Variants in POLA2 observed in about 807,000 individuals in gnomAD.
The protein encoded by POLA2 is DNA polymerase alpha subunit B.
A neutral mutation model predicts 82.8 loss-of-function variants in POLA2; 47 were observed. The ratio of observed to expected loss-of-function variants is 0.57; its 90% CI spans 0.45 to 0.72. The LOEUF (loss-of-function observed/expected upper bound fraction) is 0.72. Ranked by LOEUF, POLA2 falls within the 30% of genes least tolerant of loss-of-function variation. The probability of loss-of-function intolerance (pLI) is 0.00; values close to 1 mark genes in which losing one functional copy is unlikely to be tolerated. For synonymous variants in POLA2, 287 were observed against 286.8 expected, an observed-to-expected ratio of 1.00 and a Z score of -0.01; for missense variants, 634 against 728.1, an observed-to-expected ratio of 0.87 and a Z score of 1.49.
chr11:65,293,850 GC>G (rs1473880329), intron 13 of POLA2, among the ~76,000 whole-genome samples: 3 of 151,912 alleles, frequency 2.0e-5, no homozygotes, highest in Non-Finnish European at 4.4e-5. Context: ...CCATTTCTTT[GC>G]CCCTTTTTCT....
chr11:65,301,960 G>T (rs1227834720), downstream of POLA2, among the ~76,000 whole-genome samples: 1 of 152,126 alleles, frequency 6.6e-6, no homozygotes, highest in African/African-American at 2.4e-5. Flanking sequence ...CTGGACTGCC[G>T]CTGGCTCTGA....
chr11:65,287,592 CAG>C, intron 10 of POLA2, 122 bp from the exon 11 acceptor site: 1 of 822,994 alleles, frequency 1.2e-6, no homozygotes. Context: ...CTTGGGTCCC[CAG>C]AGTTTCACAC....
At chr11:65,278,421 C>A (rs1949603506) in intron 5 of POLA2, among the ~76,000 whole-genome samples, 1 of 152,142 alleles carries the variant, frequency 6.6e-6, no homozygotes, top group Non-Finnish European at 1.5e-5. Context: ...TTAATCAATT[C>A]AGAATCTGGG....
chr11:65,262,304 C>A lies in POLA2; in HGVS notation c.12C>A (p.Ser4=). 1 of 1,613,294 alleles carries A rather than the reference C, an allele frequency of 6.2e-7. No individual in the cohort carries two copies. The highest frequency in any genetic ancestry group is 8.5e-7 in the Non-Finnish European group (1 of 1,179,670). MSA[S]AQQLAEELQI... Reference sequence around the variant, plus strand: ...TGGCTTGGGCGACCATGTCCGCATCCGCCCAGCAGCTGGCGGAGGAGCTGC... The same window carrying A: ...TGGCTTGGGCGACCATGTCCGCATCAGCCCAGCAGCTGGCGGAGGAGCTGC... The change falls in exon 1 of 18, where the codon TCC becomes TCA. Residue 4 remains serine, a synonymous_variant. Transcript: ENST00000265465.
At chr11:65,285,574 CAAAAAAA>C (rs573912827) in intron 10 of POLA2, among the ~76,000 whole-genome samples, 4 of 63,014 alleles carry the variant, frequency 6.3e-5, no homozygotes, top group African/African-American at 1.2e-4. Context: ...GATCCTATCT[CAAAAAAA>C]AAAAAAAAAG....
intron 3 of POLA2, 66 bp downstream of exon 3, chr11:65,267,634 C>A (rs185440168): frequency 1.9e-6 from 2 of 1,069,810 alleles, no homozygotes; most frequent in Admixed American, 2.2e-5. Context: ...TGTCTGTAGT[C>A]GCATGTGTAA....
At chr11:65,289,473 G>C (rs1328342417) in intron 12 of POLA2, among the ~76,000 whole-genome samples, 1 of 152,158 alleles carries the variant, frequency 6.6e-6, no homozygotes, top group African/African-American at 2.4e-5. Context: ...AAACACGAAT[G>C]GTCCTTCCTG....
intron 8 of POLA2, among the ~76,000 whole-genome samples, chr11:65,305,029 C>T (rs1447859523): frequency 6.8e-6 from 1 of 147,774 alleles, no homozygotes; most frequent in Non-Finnish European, 1.5e-5. Context: ...CTGGGCCTGA[C>T]TCCCCCTTCT....
intron 17 of POLA2, 73 bp from the exon 18 acceptor site, chr11:65,297,047 G>T: frequency 6.6e-7 from 1 of 1,521,188 alleles, no homozygotes; most frequent in South Asian, 1.1e-5. Context: ...GCCATGTGAT[G>T]GCACTTCTTT....
In POLA2 at chr11:65,280,081, A is replaced by C. The variant is rs144811985; in HGVS notation, c.744+455A>C. 815 of 155,608 alleles carry C rather than the reference A, an allele frequency of 5.2e-3. 9 individuals carry two copies. The highest frequency in any genetic ancestry group is 0.018 in the African/African-American group (731 of 41,652). 9.6% of individuals were successfully genotyped at this position (155,608 alleles called of 1,614,324 possible). A position where few individuals can be genotyped will look rare whatever the true frequency, so the allele number is the denominator to read the frequency against. On this transcript the variant is annotated intron_variant, in intron 7 of 17. Transcript: ENST00000265465. ...TCTTTATATCATAGTTTAATCTGGCATATATACCAGTGCTTTCTCTCTAGA... is the reference window on the plus strand; with the variant it reads ...TCTTTATATCATAGTTTAATCTGGCCTATATACCAGTGCTTTCTCTCTAGA...
At chr11:65,275,383 A>G (rs1949566254) in intron 4 of POLA2, among the ~76,000 whole-genome samples, 1 of 151,984 alleles carries the variant, frequency 6.6e-6, no homozygotes, top group African/African-American at 2.4e-5. Flanking sequence ...AAAAAAAAAA[A>G]AAAGGAGTGA....
chr11:65,300,029 G>A (rs1949851193), downstream of POLA2, among the ~76,000 whole-genome samples: 1 of 152,048 alleles, frequency 6.6e-6, no homozygotes, highest in Non-Finnish European at 1.5e-5. Context: ...TATGTTCATG[G>A]TGTTGTGCAG....
chr11:65,303,267 G>A (rs1477486119), downstream of POLA2, among the ~76,000 whole-genome samples: 2 of 151,588 alleles, frequency 1.3e-5, no homozygotes, highest in African/African-American at 4.9e-5. Flanking sequence ...GCGTGAACCC[G>A]GGAGGTGGAG....
At chr11:65,262,778 C>A (rs79061486) in intron 1 of POLA2, among the ~76,000 whole-genome samples, 2 of 152,288 alleles carry the variant, frequency 1.3e-5, no homozygotes, top group African/African-American at 4.8e-5. Context: ...CCAGCCTACA[C>A]CTTAAACCTC....
At chr11:65,287,911 A>T in intron 11 of POLA2, 71 bp downstream of exon 11, 1 of 1,470,868 alleles carries the variant, frequency 6.8e-7, no homozygotes, top group Non-Finnish European at 9.3e-7. Context: ...CTAAATTTTT[A>T]GGAAGCATGT....
Position 65,266,776 on chromosome 11 carries a change from T to C in POLA2, c.204+70T>C. ...CTGCTCTACAGGGGAGGCATTGTGA[T>C]ATATTGAGAGGAGTGTGGGCTTTCG... On this transcript the variant is annotated intron_variant, in intron 2 of 17. Coordinates refer to ENST00000265465, the MANE Select transcript of POLA2 (RefSeq NM_002689.4). The C allele has an allele frequency of 2.6e-6, 4 of 1,546,018 alleles. No individual in the cohort carries two copies. The South Asian group carries it at 3.4e-5, about 13-fold the overall frequency.
At chr11:65,281,289 C>A in intron 8 of POLA2, 142 bp downstream of exon 8, 1 of 888,390 alleles carries the variant, frequency 1.1e-6, no homozygotes, top group Non-Finnish European at 1.7e-6. Flanking sequence ...GAGCAGACAC[C>A]ACTGTTGGGA....
At position 65,281,681 on chromosome 11, in the gene POLA2, G is replaced by A; in HGVS notation, c.912G>A (p.Met304Ile). 6.2e-7 allele frequency: 1 copy of A among 1,613,356 alleles called. No homozygotes were observed. Among genetic ancestry groups the A allele is most frequent in the Non-Finnish European group, 8.5e-7 (1 of 1,179,318 alleles). Residue 304 changes from methionine (M) to isoleucine (I), a missense_variant, in exon 9 of 18, where the codon ATG becomes ATA. By Grantham distance (10) the Met-to-Ile change is conservative. Coordinates refer to ENST00000265465, the MANE Select transcript of POLA2 (RefSeq NM_002689.4). Reference protein sequence around the residue: ...YSLFPGQVVIMEGINTTGRKL... With the variant: ...YSLFPGQVVIIEGINTTGRKL... Reference sequence around the variant, plus strand: ...TTTTTGTCTTTCAGGTTGTAATTATGGAAGGAATCAACACCACTGGTAGGA... The same window carrying A: ...TTTTTGTCTTTCAGGTTGTAATTATAGAAGGAATCAACACCACTGGTAGGA...
chr11:65,284,061 G>A (rs1454051190), intron 10 of POLA2, among the ~76,000 whole-genome samples: 1 of 151,948 alleles, frequency 6.6e-6, no homozygotes, highest in African/African-American at 2.4e-5. Flanking sequence ...TTGAGCCTGG[G>A]AAGTCAAGGC....
Sources: gnomAD v4.1 joint callset for allele counts (sites outside exome capture counted in the v4.1 genomes callset) on GRCh38, gnomAD v4.1.1 for gene constraint, MANE v1.5 for transcripts, NCBI Gene and HGNC (gene_info 2026-07-23, HGNC 2026-07-21) for gene names.